PLCB3: variants seen among roughly 807,000 people sequenced by gnomAD.
PLCB3 encodes the protein phospholipase C beta 3.
Under a neutral mutation model 152.1 loss-of-function variants are expected in PLCB3, and 54 were observed. That is an observed-to-expected ratio of 0.36 (90% CI 0.29 to 0.45). The LOEUF is 0.45. PLCB3 is among the 20% of genes least tolerant of loss of function. PLCB3 has a pLI of 1.00. For missense variants in PLCB3, 1,248 were observed against 1,687.5 expected (o/e 0.74, Z 4.56); for synonymous variants, 717 against 698.7 (o/e 1.03, Z -0.41).
Position 64,254,477 on chromosome 11 carries a change from G to C in PLCB3, c.162G>C (p.Trp54Cys). 1 of 1,613,894 alleles carries C rather than the reference G, an allele frequency of 6.2e-7. No individual in the cohort carries two copies. The change falls in exon 2 of 31, where the codon TGG becomes TGC. Residue 54 changes from tryptophan to cysteine, a missense_variant. Physicochemically the swap from Trp to Cys is radical, Grantham distance 215. This residue lies in a region of PLCB3 where 299 missense variants were observed against 434.7 expected (regional missense o/e 0.69). Coordinates refer to ENST00000279230, the MANE Select transcript of PLCB3 (RefSeq NM_000932.5). ...ACCCCAATGGCTTCTTCTTGTACTG[G>C]ACGGGCCCCAACATGGTGAGGGTGG... is the stretch of plus-strand genomic sequence containing the variant. Reference protein sequence around the residue: ...RVDPNGFFLYWTGPNMEVDTL... With the variant: ...RVDPNGFFLYCTGPNMEVDTL...
rs1215559967 is a variant in PLCB3 at position 64,255,341 on chromosome 11, C to T, written c.467+28C>T. ...GAGCCCCAGGCCACCCGAGGGGGAG[C>T]CGGGGGGTTCACGTGGCCGTTTTCA... On this transcript the variant is annotated intron_variant, in intron 5 of 30. Coordinates refer to ENST00000279230, the MANE Select transcript of PLCB3 (RefSeq NM_000932.5). The surrounding 1 kb of genome is among the most constrained non-coding windows in gnomAD (Gnocchi z 6.8). The T allele has an allele frequency of 6.2e-7, 1 of 1,613,160 alleles. No individual in the cohort carries two copies. Among genetic ancestry groups the T allele is most frequent in the Non-Finnish European group, 8.5e-7 (1 of 1,179,366 alleles).
At chr11:64,260,306 C>T (rs2031783780) in intron 14 of PLCB3, 72 bp downstream of exon 14, 2 of 1,103,714 alleles carry the variant, frequency 1.8e-6, no homozygotes, top group Non-Finnish European at 2.6e-6. Flanking sequence ...GTCTGACCAT[C>T]AACAAGACTG....
intron 15 of PLCB3, 23 bp from the exon 16 acceptor site, chr11:64,261,558 C>G: frequency 6.2e-7 from 1 of 1,613,220 alleles, no homozygotes; most frequent in East Asian, 2.2e-5. Flanking sequence ...AGGTCTGACG[C>G]CCTTTCTTGG....
intron 16 of PLCB3, 61 bp downstream of exon 16, chr11:64,261,726 G>T: frequency 6.6e-7 from 1 of 1,511,466 alleles, no homozygotes; most frequent in Admixed American, 1.7e-5. Context: ...GGCCGGCTCC[G>T]GTGTTCTGTC....
intron 14 of PLCB3, among the ~76,000 whole-genome samples, chr11:64,260,757 AG>A (rs1250713279): frequency 9.5e-6 from 1 of 104,716 alleles, no homozygotes; most frequent in Admixed American, 1.3e-4. Context: ...TGGGCTAAAA[AG>A]GGAGACACTA....
rs1022725202 is a variant in PLCB3 at position 64,255,199 on chromosome 11, C to A, written c.388-35C>A. The A allele has an allele frequency of 5.1e-6, 8 of 1,570,204 alleles. No individual in the cohort carries two copies. The African/African-American group carries it at 6.8e-5, about 13-fold the overall frequency. ...GTGGCTGGGCAGCCCCTGTGTCCCC[C>A]ACTCACCGCCTCCCCGTGTATACTG... On this transcript the variant is annotated intron_variant, in intron 4 of 30. Coordinates refer to ENST00000279230, the MANE Select transcript of PLCB3 (RefSeq NM_000932.5). This position sits in a 1 kb window ranked among gnomAD's most constrained non-coding sequence, Gnocchi z 6.8.
At chr11:64,262,376 G>T in intron 17 of PLCB3, 31 bp from the exon 18 acceptor site, 1 of 1,606,520 alleles carries the variant, frequency 6.2e-7, no homozygotes, top group South Asian at 1.1e-5. Context: ...CCTGATCCCT[G>T]CCCCTGCTCG....
chr11:64,267,368 G>T lies in PLCB3; in HGVS notation c.3517G>T (p.Ala1173Ser), dbSNP rs757594793. 68 of 1,545,840 alleles carry T rather than the reference G, an allele frequency of 4.4e-5. No homozygotes were observed. Among genetic ancestry groups the T allele is most frequent in the Non-Finnish European group, 5.1e-5 (58 of 1,143,664 alleles). The change falls in exon 31 of 31, where the codon GCC becomes TCC. Residue 1173 changes from alanine (A) to serine (S), a missense_variant. Around this residue, in one of 6 missense-constraint regions of PLCB3, gnomAD observed 477 missense variants for 489.6 expected, o/e 0.97. Coordinates refer to ENST00000279230, the MANE Select transcript of PLCB3 (RefSeq NM_000932.5). This position sits in a 1 kb window ranked among gnomAD's most constrained non-coding sequence, Gnocchi z 5.2. Reference protein sequence around the residue: ...EEEPKLLAQLAQECQEQRARL... With the variant: ...EEEPKLLAQLSQECQEQRARL... ...TCTCCCACAGCTGCTGGCCCAGCTG[G>T]CCCAGGAGTGTCAGGAGCAGCGGGC...
chr11:64,254,545 C>CCCCTG, intron 2 of PLCB3, 53 bp downstream of exon 2: 1 of 1,557,818 alleles, frequency 6.4e-7, no homozygotes, highest in South Asian at 1.1e-5. Flanking sequence ...CTGTCCCAGA[C>CCCCTG]CCCTGCCCTG....
chr11:64,258,544 G>C lies in PLCB3; in HGVS notation c.1084G>C (p.Glu362Gln). Residue 362 changes from glutamate to glutamine, a missense_variant, in exon 11 of 31, where the codon GAG (glutamate) becomes CAG (glutamine). This residue lies in a region of PLCB3 where 122 missense variants were observed against 221.8 expected (regional missense o/e 0.55). Transcript: ENST00000279230. The surrounding 1 kb of genome is among the most constrained non-coding windows in gnomAD (Gnocchi z 7.2). ...ACTACTATGGGGCTGCCGCTGCGTGGAGCTGGACGTGTGGAAGGGACGGCC... is the reference window on the plus strand; with the variant it reads ...ACTACTATGGGGCTGCCGCTGCGTGCAGCTGGACGTGTGGAAGGGACGGCC... ...QALLWGCRCV[E>Q]LDVWKGRPPE... The C allele has an allele frequency of 6.2e-7, 1 of 1,613,952 alleles. No individual in the cohort carries two copies. The highest frequency in any genetic ancestry group is 2.2e-5 in the East Asian group (1 of 44,874).
Position 64,265,195 on chromosome 11 carries a change from A to T in PLCB3, c.2810A>T (p.Gln937Leu). ...TCACAGGGCCTCTGCTCCCCAGGGCAGCGTGATGATCTCATCGCCAGCATC... is the reference window on the plus strand; with the variant it reads ...TCACAGGGCCTCTGCTCCCCAGGGCTGCGTGATGATCTCATCGCCAGCATC... ...PASTSLSSPG[Q>L]RDDLIASILS... Residue 937 changes from glutamine to leucine, a missense_variant, in exon 24 of 31, where the codon CAG becomes CTG. Physicochemically the swap from Gln to Leu is moderately radical, Grantham distance 113. This residue lies in a region of PLCB3 where 477 missense variants were observed against 489.6 expected (regional missense o/e 0.97). Transcript: ENST00000279230. 6.3e-7 allele frequency: 1 copy of T among 1,597,104 alleles called. No homozygotes were observed.
Position 64,258,450 on chromosome 11 carries a change from G to C in PLCB3, c.1013-23G>C. 1.2e-6 allele frequency: 2 copies of C among 1,607,764 alleles called. No individual in the cohort carries two copies. The highest frequency in any genetic ancestry group is 1.7e-6 in the Non-Finnish European group (2 of 1,177,350). ...GGAGCTGGGCTGGTGGGCGGCCTCG[G>C]TGACAGAGCCTCGCCGCCCCAGCGG... On this transcript the variant is annotated intron_variant, in intron 10 of 30. Transcript: ENST00000279230. This position sits in a 1 kb window ranked among gnomAD's most constrained non-coding sequence, Gnocchi z 7.2.
At chr11:64,263,953 C>G in intron 21 of PLCB3, 68 bp from the exon 22 acceptor site, 1 of 1,294,970 alleles carries the variant, frequency 7.7e-7, no homozygotes, top group Non-Finnish European at 1.1e-6. Context: ...TCATTGAGAC[C>G]AGAGGTGGCG....
At chr11:64,268,346 C>T (rs909541246), downstream of PLCB3, among the ~76,000 whole-genome samples, 1 of 152,180 alleles carries the variant, frequency 6.6e-6, no homozygotes, top group Non-Finnish European at 1.5e-5. Flanking sequence ...AGCTCAGAAC[C>T]TGCCCAACAC....
intron 22 of PLCB3, 142 bp from the exon 23 acceptor site, chr11:64,264,809 C>A: frequency 1.4e-6 from 1 of 712,072 alleles, no homozygotes; most frequent in South Asian, 1.7e-5. Flanking sequence ...ATGCAGACAG[C>A]CTCCTGTTAC....
intron 14 of PLCB3, 139 bp from the exon 15 acceptor site, chr11:64,261,261 G>A (rs1043192886): frequency 3.7e-5 from 26 of 698,632 alleles, no homozygotes; most frequent in Middle Eastern, 3.7e-4. Flanking sequence ...GTGAGACCCC[G>A]GGGAGAAGAC....
chr11:64,256,692 G>A lies in PLCB3; in HGVS notation c.940G>A (p.Asp314Asn), dbSNP rs769130561. 1 of 1,614,224 alleles carries A rather than the reference G, an allele frequency of 6.2e-7. No homozygotes were observed. Among genetic ancestry groups the A allele is most frequent in the Admixed American group, 1.7e-5 (1 of 60,022 alleles). ...TGGCATCCTGCCCCTGGAAGCCCTG[G>A]ATCTGAGCACGGACATGACCCAGCC... ...ENGILPLEAL[D>N]LSTDMTQPLS... is the part of the protein sequence containing the mutation. The change falls in exon 10 of 31, where the codon GAT (aspartate) becomes AAT (asparagine). Residue 314 changes from aspartate (D) to asparagine (N), a missense_variant. Asp to Asn is a conservative substitution (Grantham distance 23). Transcript: ENST00000279230.
intron 19 of PLCB3, 90 bp from the exon 20 acceptor site, chr11:64,263,408 G>C: frequency 1.3e-6 from 1 of 784,518 alleles, no homozygotes; most frequent in Non-Finnish European, 2.1e-6. Flanking sequence ...GGTCTGCTTT[G>C]TTAAGCTTTG....
At chr11:64,268,035 C>CT (rs148611305), downstream of PLCB3, 2,194 of 156,938 alleles carry the variant, frequency 0.014, 53 homozygotes, top group African/African-American at 0.051. Context: ...CAGCCAAGGG[C>CT]TGCTGGGTTG....
Sources: gnomAD v4.1 joint callset for allele counts (sites outside exome capture counted in the v4.1 genomes callset) on GRCh38, gnomAD v4.1.1 for gene constraint, gnomAD v4.1.1 regional missense constraint, Gnocchi (gnomAD v3.1) non-coding constraint, MANE v1.5 for transcripts, NCBI Gene and HGNC (gene_info 2026-07-23, HGNC 2026-07-21) for gene names.